Variants in ASXL3 observed in about 807,000 individuals in gnomAD.
ASXL3 encodes the protein putative Polycomb group protein ASXL3.
In ASXL3, 34 loss-of-function variants were observed where a neutral mutation model predicts 170.6. The observed-to-expected ratio is 0.20, with a 90% CI of 0.15 to 0.27. The LOEUF is 0.27. ASXL3 is among the 10% of genes least tolerant of loss of function. The probability of loss-of-function intolerance (pLI) is 1.00; values close to 1 mark genes in which losing one functional copy is unlikely to be tolerated. For synonymous variants in ASXL3, 1,002 were observed against 989.1 expected (o/e 1.01, Z -0.24); for missense variants, 2,592 against 2,695.3 (o/e 0.96, Z 0.85).
chr18:33,682,583 C>G (rs2066530857), intron 7 of ASXL3, among the ~76,000 whole-genome samples: 2 of 152,104 alleles, frequency 1.3e-5, no homozygotes, highest in South Asian at 4.1e-4. Context: ...GAGTTTCACT[C>G]TGTCACTGAG....
intron 11 of ASXL3, among the ~76,000 whole-genome samples, chr18:33,741,702 T>G (rs577745940): frequency 1.3e-5 from 2 of 152,250 alleles, no homozygotes; most frequent in East Asian, 3.9e-4. Flanking sequence ...TAATTCTAAA[T>G]TGATATGTAT....
At position 33,742,397 on chromosome 18, in the gene ASXL3, A is replaced by AAAGT. The variant is rs796785591; in HGVS notation, c.3040-490_3040-487dup. 6.8e-3 allele frequency among the ~76,000 whole-genome samples: 1,034 copies of AAAGT among 151,770 alleles called. 4 individuals are homozygous for AAAGT. Among genetic ancestry groups the AAAGT allele is most frequent in the African/African-American group, 0.024 (985 of 41,106 alleles). ...TACACAATGATTAGCCTAGGATCAC[A>AAAGT]AAGTTCCTTTGTGTAAAGTCAAAAT... On this transcript the variant is annotated intron_variant, in intron 11 of 11. Transcript: ENST00000269197.
intron 8 of ASXL3, among the ~76,000 whole-genome samples, chr18:33,689,693 A>C (rs1304645659): frequency 2.0e-5 from 3 of 152,256 alleles, no homozygotes; most frequent in Non-Finnish European, 4.4e-5. Flanking sequence ...GATTTGACTC[A>C]GTACTGATGC....
At chr18:33,582,495 T>C (rs1357473633) in intron 1 of ASXL3, among the ~76,000 whole-genome samples, 1 of 152,216 alleles carries the variant, frequency 6.6e-6, no homozygotes, top group Non-Finnish European at 1.5e-5. Flanking sequence ...TAGGGAATGC[T>C]GCTTTTAAGA....
intron 7 of ASXL3, among the ~76,000 whole-genome samples, chr18:33,679,802 CT>C (rs2066485526): frequency 6.6e-6 from 1 of 151,958 alleles, no homozygotes; most frequent in South Asian, 2.1e-4. Flanking sequence ...TAATATTATG[CT>C]TTTTAAAATC....
intron 8 of ASXL3, among the ~76,000 whole-genome samples, chr18:33,693,176 A>T (rs1204475954): frequency 6.6e-6 from 1 of 152,186 alleles, no homozygotes; most frequent in African/African-American, 2.4e-5. Context: ...AGTTGGATTT[A>T]GGGGAGAAGG....
chr18:33,628,417 T>TTA (rs1377560234), intron 2 of ASXL3, among the ~76,000 whole-genome samples: 1 of 152,212 alleles, frequency 6.6e-6, no homozygotes, highest in East Asian at 1.9e-4. Flanking sequence ...TAGGAATGTA[T>TTA]TAGGATAATG....
At position 33,743,638 on chromosome 18, in the gene ASXL3, C is replaced by G. The variant is rs770050296; in HGVS notation, c.3790C>G (p.Leu1264Val). ...FVSSVDKSSV[L>V]MSVDSANTTI... ...GAGTTCTGTTGATAAATCCTCTGTCCTAATGTCTGTTGACAGTGCAAACAC... is the reference window on the plus strand; with the variant it reads ...GAGTTCTGTTGATAAATCCTCTGTCGTAATGTCTGTTGACAGTGCAAACAC... The change falls in exon 12 of 12, where the codon CTA (leucine) becomes GTA (valine). Residue 1264 changes from leucine (L) to valine (V), a missense_variant. By Grantham distance (32) the Leu-to-Val change is conservative. Coordinates refer to ENST00000269197, the MANE Select transcript of ASXL3 (RefSeq NM_030632.3). 6.2e-7 allele frequency: 1 copy of G among 1,613,680 alleles called. No individual in the cohort carries two copies. Among genetic ancestry groups the G allele is most frequent in the Non-Finnish European group, 8.5e-7 (1 of 1,179,870 alleles).
chr18:33,586,897 A>G (rs985308286), intron 1 of ASXL3, among the ~76,000 whole-genome samples: 3 of 152,326 alleles, frequency 2.0e-5, no homozygotes, highest in African/African-American at 7.2e-5. Flanking sequence ...GTTCCTGTCT[A>G]TTAGGGGATT....
At position 33,738,651 on chromosome 18, in the gene ASXL3, C is replaced by A; in HGVS notation, c.1247C>A (p.Pro416His). Residue 416 changes from proline to histidine, a missense_variant, in exon 11 of 12, where the codon CCT becomes CAT. Physicochemically the swap from Pro to His is moderately conservative, Grantham distance 77. Transcript: ENST00000269197. Reference sequence around the variant, plus strand: ...ATGAAAAGCCCAGCTTCTCCAGAGCCTGGTTTCTGTGCTACTCTTTGCCCT... The same window carrying A: ...ATGAAAAGCCCAGCTTCTCCAGAGCATGGTTTCTGTGCTACTCTTTGCCCT... ...KSMKSPASPEPGFCATLCPMV... is the reference protein window; with the variant it reads ...KSMKSPASPEHGFCATLCPMV... 3.7e-6 allele frequency: 6 copies of A among 1,613,950 alleles called. No homozygotes were observed. Among genetic ancestry groups the A allele is most frequent in the Non-Finnish European group, 5.1e-6 (6 of 1,179,858 alleles).
intron 1 of ASXL3, among the ~76,000 whole-genome samples, chr18:33,597,586 T>A (rs1309399628): frequency 1.3e-5 from 2 of 152,202 alleles, no homozygotes; most frequent in African/African-American, 4.8e-5. Flanking sequence ...TAAGTGAGAC[T>A]GCCTACCTTT....
At chr18:33,598,582 C>G (rs762608521) in intron 1 of ASXL3, among the ~76,000 whole-genome samples, 1 of 152,190 alleles carries the variant, frequency 6.6e-6, no homozygotes, top group East Asian at 1.9e-4. Flanking sequence ...TGTTCAAGAT[C>G]AAAGTCACAG....
chr18:33,696,468 G>T (rs761279181), intron 8 of ASXL3, among the ~76,000 whole-genome samples: 1 of 152,078 alleles, frequency 6.6e-6, no homozygotes, highest in Non-Finnish European at 1.5e-5. Flanking sequence ...GGGGAAGAAC[G>T]CCATCCAGAT....
chr18:33,694,750 CCTAT>C (rs2066744828), intron 8 of ASXL3, among the ~76,000 whole-genome samples: 1 of 152,012 alleles, frequency 6.6e-6, no homozygotes, highest in Non-Finnish European at 1.5e-5. Flanking sequence ...TCTTTAAAAT[CCTAT>C]CTGTCTTTGT....
intron 8 of ASXL3, among the ~76,000 whole-genome samples, chr18:33,721,040 C>A (rs941090450): frequency 6.6e-6 from 1 of 152,006 alleles, no homozygotes; most frequent in Non-Finnish European, 1.5e-5. Flanking sequence ...TTGCATACAT[C>A]CCTGAAATAT....
chr18:33,634,929 T>C lies in ASXL3; in HGVS notation c.138-9965T>C, dbSNP rs190350785. The stretch of plus-strand genomic sequence containing the variant: ...TGGTGGTAGACTGCACAGAACTAAA[T>C]GCTACAATAGTAGCATAGGCTGTAA... On this transcript the variant is annotated intron_variant, in intron 2 of 11. Transcript: ENST00000269197. Among the ~76,000 whole-genome samples the C allele has an allele frequency of 2.6e-3, 392 of 152,238 alleles. 1 individual carries two copies. Among genetic ancestry groups the C allele is most frequent in the African/African-American group, 9.0e-3 (373 of 41,534 alleles).
In ASXL3 at chr18:33,750,559, G is replaced by C. The variant is rs916740490; in HGVS notation, c.*3964G>C. On this transcript the variant is annotated 3_prime_UTR_variant, in exon 12 of 12. Coordinates refer to ENST00000269197, the MANE Select transcript of ASXL3 (RefSeq NM_030632.3). ...AGTTTTTTTTTTTTAATGTGTGTTC[G>C]TTTGTACAATTTTTTTTTTTTGGTC... 8.8e-6 allele frequency: 1 copy of C among 113,374 alleles called. No homozygotes were observed. The highest frequency in any genetic ancestry group is 1.7e-5 in the Non-Finnish European group (1 of 58,156). The allele number at this position is 113,374 out of a possible 1,614,324, so 7.0% of individuals were successfully genotyped here.
In ASXL3 at chr18:33,646,889, G is replaced by C. The variant is rs1269077612; in HGVS notation, c.355+536G>C. ...GAATTTTAAGGGGGAGCGGGGGGGG[G>C]GGGCATTTTTCACCTCTGAATTTTA... On this transcript the variant is annotated intron_variant, in intron 4 of 11. Transcript: ENST00000269197. 1.9e-4 allele frequency among the ~76,000 whole-genome samples: 27 copies of C among 143,506 alleles called. 2 individuals are homozygous for C. Among genetic ancestry groups the C allele is most frequent in the Admixed American group, 1.9e-3 (27 of 14,400 alleles). 94.1% of individuals were successfully genotyped at this position (143,506 alleles called of 152,430 possible). A position where few individuals can be genotyped will look rare whatever the true frequency, so the allele number is the denominator to read the frequency against.
intron 1 of ASXL3, among the ~76,000 whole-genome samples, chr18:33,606,819 T>C (rs1266718286): frequency 6.6e-6 from 1 of 151,956 alleles, no homozygotes; most frequent in African/African-American, 2.4e-5. Context: ...GCTTATTGTT[T>C]CCACCACATG....
Sources: allele counts gnomAD v4.1 joint callset (sites outside exome capture counted in the v4.1 genomes callset), GRCh38; gene constraint gnomAD v4.1.1; transcripts MANE v1.5; gene names NCBI Gene and HGNC (gene_info 2026-07-23, HGNC 2026-07-21).